The following ZBTB40 variants were observed in gnomAD, a reference collection of about 807,000 sequenced individuals.
ZBTB40 encodes the protein zinc finger and BTB domain containing 40.
In ZBTB40, 60 loss-of-function variants were observed where a neutral mutation model predicts 117.5. That is an observed-to-expected ratio of 0.51 (90% confidence interval 0.41 to 0.63). The LOEUF (loss-of-function observed/expected upper bound fraction) is 0.63. ZBTB40 is among the 30% of genes least tolerant of loss of function. ZBTB40 has a pLI of 0.00. For synonymous variants in ZBTB40, 525 were observed against 577.1 expected (o/e 0.91, Z 1.29); for missense variants, 1,287 against 1,498.5 (o/e 0.86, Z 2.33).
At position 22,519,733 on chromosome 1, in the gene ZBTB40, C is replaced by T. The variant is rs76394553; in HGVS notation, c.2834-328C>T. 2.5e-4 allele frequency: 92 copies of T among 372,526 alleles called. 1 individual carries two copies. The East Asian group carries it at 4.9e-3, about 20-fold the overall frequency. The allele number at this position is 372,526 out of a possible 1,614,324, so 23.1% of individuals were successfully genotyped here. ...TCCAGAATGCCCACTGCAAACCGGACGAGCCAGGGTGAAACTCCCTGGAAA... is the reference window on the plus strand; with the variant it reads ...TCCAGAATGCCCACTGCAAACCGGATGAGCCAGGGTGAAACTCCCTGGAAA... On this transcript the variant is annotated intron_variant, in intron 13 of 17. Transcript: ENST00000375647.
At chr1:22,430,129 C>G (rs1169969221) in intron 1 of ZBTB40, among the ~76,000 whole-genome samples, 1 of 152,164 alleles carries the variant, frequency 6.6e-6, no homozygotes, top group Non-Finnish European at 1.5e-5. Context: ...ATTGTAATTT[C>G]TTCTTTAATC....
chr1:22,481,787 CAAAAAAAAAAA>C (rs766474050), intron 1 of ZBTB40, among the ~76,000 whole-genome samples: 25 of 64,308 alleles, frequency 3.9e-4, no homozygotes, highest in South Asian at 3.0e-3. Context: ...CTTGTTTTAC[CAAAAAAAAAAA>C]AAAAAAAAAA....
At chr1:22,486,045 G>A (rs550207470) in intron 1 of ZBTB40, among the ~76,000 whole-genome samples, 2 of 151,944 alleles carry the variant, frequency 1.3e-5, no homozygotes, top group Non-Finnish European at 2.9e-5. Context: ...CTATATCTGA[G>A]TCTGGTTTTG....
At chr1:22,496,352 A>G (rs772147899) in intron 3 of ZBTB40, among the ~76,000 whole-genome samples, 6 of 152,308 alleles carry the variant, frequency 3.9e-5, no homozygotes, top group Admixed American at 6.5e-5. Flanking sequence ...TGGAGGCATC[A>G]GAGATCCCGT....
upstream of ZBTB40, among the ~76,000 whole-genome samples, chr1:22,448,926 C>T (rs1640821371): frequency 6.6e-6 from 1 of 152,004 alleles, no homozygotes; most frequent in African/African-American, 2.4e-5. Context: ...AATTCTCTTG[C>T]CTCAGCCTCC....
At chr1:22,521,398 C>A (rs1639520477) in intron 14 of ZBTB40, 98 bp from the exon 15 acceptor site, 10 of 1,501,962 alleles carry the variant, frequency 6.7e-6, no homozygotes, top group Non-Finnish European at 7.4e-6. Context: ...GAAACGTCAG[C>A]TTATCCAAAA....
intron 13 of ZBTB40, chr1:22,519,674 TG>T: frequency 6.3e-6 from 2 of 318,776 alleles, no homozygotes; most frequent in Non-Finnish European, 1.2e-5. Flanking sequence ...CTCTGGGGAG[TG>T]TGCTGGAAAT....
chr1:22,490,431 A>G lies in ZBTB40; in HGVS notation c.483A>G (p.Pro161=). Residue 161 remains proline, a synonymous_variant, in exon 2 of 18, where the codon CCA becomes CCG. Transcript: ENST00000375647. ...GTGCTGGAGAGCCTCATTCTTCCCC[A>G]GAGCTTGCTGCCACTCCAGGGGGCC... ...SEGAGEPHSS[P]ELAATPGGPV... is the part of the protein sequence containing the mutation. 6.2e-7 allele frequency: 1 copy of G among 1,607,808 alleles called. No individual in the cohort carries two copies. Among genetic ancestry groups the G allele is most frequent in the Non-Finnish European group, 8.5e-7 (1 of 1,175,904 alleles).
intron 1 of ZBTB40, among the ~76,000 whole-genome samples, chr1:22,473,367 T>C (rs1477239297): frequency 6.6e-6 from 1 of 152,180 alleles, no homozygotes; most frequent in African/African-American, 2.4e-5. Context: ...CCTCTACTGA[T>C]TTGCTATATG....
chr1:22,439,733 T>C (rs1212030412), intron 1 of ZBTB40, among the ~76,000 whole-genome samples: 1 of 152,248 alleles, frequency 6.6e-6, no homozygotes, highest in Non-Finnish European at 1.5e-5. Flanking sequence ...TTTTGATTAC[T>C]GTAGCTCTGT....
At chr1:22,505,551 T>C (rs536239866) in intron 5 of ZBTB40, among the ~76,000 whole-genome samples, 1 of 152,332 alleles carries the variant, frequency 6.6e-6, no homozygotes, top group South Asian at 2.1e-4. Context: ...AGACTAATTA[T>C]ACAAATTATC....
At chr1:22,501,226 G>T (rs181066523) in intron 3 of ZBTB40, among the ~76,000 whole-genome samples, 285 of 152,296 alleles carry the variant, frequency 1.9e-3, no homozygotes, top group African/African-American at 5.9e-3. Context: ...AGGGCCTGTG[G>T]CCAGGAAAGG....
At chr1:22,439,229 T>G (rs1640705700) in intron 1 of ZBTB40, among the ~76,000 whole-genome samples, 1 of 152,230 alleles carries the variant, frequency 6.6e-6, no homozygotes, top group Non-Finnish European at 1.5e-5. Context: ...GAGTTCTCTG[T>G]ATGTTACAGA....
At chr1:22,440,926 G>A (rs1640724756) in intron 1 of ZBTB40, among the ~76,000 whole-genome samples, 1 of 152,094 alleles carries the variant, frequency 6.6e-6, no homozygotes, top group Admixed American at 6.5e-5. Context: ...ATGGATATTA[G>A]TCTATAGTTT....
At chr1:22,494,340 AAC>A (rs1451047490) in intron 3 of ZBTB40, among the ~76,000 whole-genome samples, 2 of 152,212 alleles carry the variant, frequency 1.3e-5, no homozygotes, top group Non-Finnish European at 2.9e-5. Context: ...CACTTTCTAG[AAC>A]AGTGTCTAGA....
At chr1:22,433,849 T>A (rs946653165) in intron 1 of ZBTB40, among the ~76,000 whole-genome samples, 2 of 152,074 alleles carry the variant, frequency 1.3e-5, no homozygotes, top group African/African-American at 4.8e-5. Context: ...ATTATATGGA[T>A]GTATCACAAT....
At chr1:22,474,619 A>G (rs1047243128) in intron 1 of ZBTB40, among the ~76,000 whole-genome samples, 1 of 152,152 alleles carries the variant, frequency 6.6e-6, no homozygotes. Context: ...TGCTCTAATT[A>G]TGTTGAGAGT....
intron 6 of ZBTB40, among the ~76,000 whole-genome samples, chr1:22,507,500 C>A (rs1639102494): frequency 6.6e-6 from 1 of 152,130 alleles, no homozygotes; most frequent in African/African-American, 2.4e-5. Context: ...AAGAGAAATG[C>A]CTGATAGTTT....
chr1:22,449,156 C>T (rs1319719930), upstream of ZBTB40, among the ~76,000 whole-genome samples: 1 of 152,112 alleles, frequency 6.6e-6, no homozygotes, highest in Non-Finnish European at 1.5e-5. Flanking sequence ...TTTTGTTGAC[C>T]TCAGTGTTCT....
Sources: gnomAD v4.1 joint callset for allele counts (sites outside exome capture counted in the v4.1 genomes callset) on GRCh38, gnomAD v4.1.1 for gene constraint, MANE v1.5 for transcripts, NCBI Gene and HGNC (gene_info 2026-07-23, HGNC 2026-07-21) for gene names.